Variants in ALDH1A1 observed in about 807,000 individuals in gnomAD.
ALDH1A1 encodes the protein aldehyde dehydrogenase 1 family member A1.
Under a neutral mutation model 62.1 loss-of-function variants are expected in ALDH1A1, and 19 were observed. The observed-to-expected ratio is 0.31, with a 90% CI of 0.21 to 0.45. ALDH1A1 has a LOEUF of 0.45. Among genes scored for constraint, ALDH1A1 ranks in the 20% least tolerant of loss-of-function variants. The pLI, the probability that ALDH1A1 is intolerant of heterozygous loss-of-function variation, is 1.00. For missense variants in ALDH1A1, 521 were observed against 607.1 expected (o/e 0.86, Z 1.49); for synonymous variants, 231 against 215.9 (o/e 1.07, Z -0.61).
At chr9:72,927,861 A>C (rs961255526) in intron 4 of ALDH1A1, among the ~76,000 whole-genome samples, 2 of 151,994 alleles carry the variant, frequency 1.3e-5, no homozygotes, top group African/African-American at 4.8e-5. Context: ...ATTTATTTTC[A>C]ATCTAAATTT....
chr9:72,921,658 A>G (rs1186602653), intron 7 of ALDH1A1, among the ~76,000 whole-genome samples: 8 of 145,594 alleles, frequency 5.5e-5, no homozygotes, highest in Non-Finnish European at 1.1e-4. Flanking sequence ...ATATCTCCCA[A>G]TGCTATCCCT....
chr9:72,910,068 T>G (rs560530150), intron 10 of ALDH1A1, among the ~76,000 whole-genome samples: 1 of 152,320 alleles, frequency 6.6e-6, no homozygotes, highest in East Asian at 1.9e-4. Context: ...CTTCAGAATT[T>G]CTTTTTCACT....
chr9:72,916,970 T>C lies in ALDH1A1; in HGVS notation c.985A>G (p.Lys329Glu). 1 of 1,613,692 alleles carries C rather than the reference T, an allele frequency of 6.2e-7. No homozygotes were observed. Among genetic ancestry groups the C allele is most frequent in the Non-Finnish European group, 8.5e-7 (1 of 1,179,782 alleles). Residue 329 changes from lysine to glutamate, a missense_variant, in exon 9 of 13, where the codon AAG becomes GAG. Physicochemically the swap from Lys to Glu is moderately conservative, Grantham distance 56 (BLOSUM62 1). Transcript: ENST00000297785. ...GTCAGAGGATTTCCAAGGATATACT[T>C]CTTAGCCCGCTCAACACTCCTTCGA... ...FVRRSVERAK[K>E]YILGNPLTPG...
chr9:72,933,110 A>G lies in ALDH1A1; in HGVS notation c.172-2091T>C, dbSNP rs76100846. On this transcript the variant is annotated intron_variant, in intron 2 of 12. Transcript: ENST00000297785. ...TATGTAATCTTGCAGATGCAGAAAT[A>G]CAGTAATGTTAGTTAATATATAGTT... 2.6e-3 allele frequency among the ~76,000 whole-genome samples: 403 copies of G among 152,326 alleles called. 14 individuals carry two copies. The East Asian group carries it at 0.065, about 25-fold the overall frequency.
At chr9:72,939,749 C>G (rs566509923) in intron 2 of ALDH1A1, among the ~76,000 whole-genome samples, 1 of 152,118 alleles carries the variant, frequency 6.6e-6, no homozygotes, top group South Asian at 2.1e-4. Flanking sequence ...AACTCGTGAC[C>G]TCAAGTGATC....
rs1015938432 is a variant in ALDH1A1, at chr9:72,901,000, A to T, written c.*208T>A. On this transcript the variant is annotated 3_prime_UTR_variant, in exon 13 of 13. Coordinates refer to ENST00000297785, the MANE Select transcript of ALDH1A1 (RefSeq NM_000689.5). ...TTTGTCTTTTTTTATTTAGGATAGG[A>T]CTTGGGGGTCACATTTCAGAAGGCA... The T allele has an allele frequency of 1.1e-5, 5 of 440,304 alleles. No individual in the cohort carries two copies. The highest frequency in any genetic ancestry group is 9.8e-5 in the African/African-American group (5 of 50,894). 27.3% of individuals were successfully genotyped at this position (440,304 alleles called of 1,614,324 possible). A position where few individuals can be genotyped will look rare whatever the true frequency, so the allele number is the denominator to read the frequency against.
intron 11 of ALDH1A1, 108 bp downstream of exon 11, chr9:72,909,494 G>T: frequency 8.9e-7 from 1 of 1,127,094 alleles, no homozygotes; most frequent in Non-Finnish European, 1.2e-6. Context: ...TGCTTTTCTA[G>T]AAGGATAGGT....
rs908840133 is a variant in ALDH1A1, at chr9:72,905,906, A to G, written c.1433+52T>C. On this transcript the variant is annotated intron_variant, in intron 12 of 12. Transcript: ENST00000297785. ...ACTATGAGTTAATTCCCTGGGAATG[A>G]AAATCATTTTCATAAAAATAAATAT... is the stretch of plus-strand genomic sequence containing the variant. 11 of 1,436,530 alleles carry G rather than the reference A, an allele frequency of 7.7e-6. No homozygotes were observed. In the African/African-American group the frequency reaches 1.4e-4, roughly 19 times the overall value. The allele number at this position is 1,436,530 out of a possible 1,614,324, so 89.0% of individuals were successfully genotyped here.
chr9:72,916,594 A>G lies in ALDH1A1; in HGVS notation c.1035+326T>C, dbSNP rs564515951. ...ATGGTAGGAATGTATAAGAATTTCA[A>G]AGTGGACAGAGAACTGTATATAGGA... On this transcript the variant is annotated intron_variant, in intron 9 of 12. Transcript: ENST00000297785. Among the ~76,000 whole-genome samples, 10 of 152,304 alleles carry G rather than the reference A, an allele frequency of 6.6e-5. 1 individual carries two copies. The South Asian group carries it at 2.1e-3, about 32-fold the overall frequency.
intron 1 of ALDH1A1, among the ~76,000 whole-genome samples, chr9:72,947,161 G>T (rs8187881): frequency 6.6e-6 from 1 of 151,922 alleles, no homozygotes; most frequent in African/African-American, 2.4e-5. Context: ...TCAGAGATGA[G>T]CATTCTAAAT....
intron 1 of ALDH1A1, among the ~76,000 whole-genome samples, chr9:72,947,009 A>C (rs989486264): frequency 6.6e-6 from 1 of 151,890 alleles, no homozygotes; most frequent in African/African-American, 2.4e-5. Context: ...AAGTTATATA[A>C]AGAGTTGTAC....
chr9:72,925,918 G>A (rs910601475), intron 5 of ALDH1A1, among the ~76,000 whole-genome samples: 2 of 152,054 alleles, frequency 1.3e-5, no homozygotes, highest in Non-Finnish European at 2.9e-5. Flanking sequence ...GGAGCACACT[G>A]TAAGTTATCT....
intron 1 of ALDH1A1, among the ~76,000 whole-genome samples, chr9:72,947,059 G>C (rs1830485363): frequency 6.6e-6 from 1 of 151,942 alleles, no homozygotes; most frequent in Admixed American, 6.6e-5. Context: ...CCTCTCTTAG[G>C]ACATGTGTTC....
intron 6 of ALDH1A1, 123 bp downstream of exon 6, chr9:72,925,361 T>C: frequency 3.4e-6 from 1 of 298,030 alleles, no homozygotes; most frequent in Admixed American, 1.0e-4. Flanking sequence ...GCTAAATGTA[T>C]TCCCCCCACT....
chr9:72,916,134 A>C (rs1564627250), intron 9 of ALDH1A1, among the ~76,000 whole-genome samples: 1 of 152,096 alleles, frequency 6.6e-6, no homozygotes, highest in Non-Finnish European at 1.5e-5. Flanking sequence ...GCTTCTCACC[A>C]AGGTAGTGAC....
chr9:72,924,239 G>T, intron 6 of ALDH1A1, 107 bp from the exon 7 acceptor site: 1 of 687,578 alleles, frequency 1.5e-6, no homozygotes, highest in Non-Finnish European at 2.4e-6. Context: ...AGATGCTCTA[G>T]AAAAAAATAA....
intron 1 of ALDH1A1, among the ~76,000 whole-genome samples, chr9:72,949,331 C>A (rs929561668): frequency 6.6e-6 from 1 of 151,790 alleles, no homozygotes; most frequent in Non-Finnish European, 1.5e-5. Flanking sequence ...CAGCAATGGG[C>A]AAATGAAAGT....
intron 2 of ALDH1A1, among the ~76,000 whole-genome samples, chr9:72,939,770 G>A (rs879446853): frequency 6.6e-6 from 1 of 151,748 alleles, no homozygotes; most frequent in Non-Finnish European, 1.5e-5. Context: ...CAACTGCCTT[G>A]GTCTCACAAA....
intron 4 of ALDH1A1, among the ~76,000 whole-genome samples, chr9:72,927,914 A>G: frequency 6.6e-6 from 1 of 151,584 alleles, no homozygotes; most frequent in Non-Finnish European, 1.5e-5. Flanking sequence ...TCATCCAGAG[A>G]GATACATTAT....
Sources: gnomAD v4.1 joint callset for allele counts (sites outside exome capture counted in the v4.1 genomes callset) on GRCh38, gnomAD v4.1.1 for gene constraint, MANE v1.5 for transcripts, NCBI Gene and HGNC (gene_info 2026-07-23, HGNC 2026-07-21) for gene names.